Variants in SGSM1 observed in about 807,000 individuals in gnomAD.
SGSM1 encodes the protein RUN and TBC1 domain containing 2.
In SGSM1, 73 loss-of-function variants were observed where a neutral mutation model predicts 133.8. That is an observed-to-expected ratio of 0.55 (90% CI 0.45 to 0.66). SGSM1 has a LOEUF of 0.66. SGSM1 is among the 30% of genes least tolerant of loss of function. The pLI is 0.00. For missense variants in SGSM1, 1,213 were observed against 1,448.1 expected (o/e 0.84, Z 2.64); for synonymous variants, 563 against 573.0 (o/e 0.98, Z 0.25).
rs1934132089 is a variant in SGSM1 at position 24,924,580 on chromosome 22, A to C, written c.*306A>C. ...GCCATCTTTGTTTGCTGGTGCCCGG[A>C]ATGGTCTCCTCTTCTTCTTTCCCTA... On this transcript the variant is annotated 3_prime_UTR_variant, in exon 25 of 25. Coordinates refer to ENST00000400358, the MANE Select transcript of SGSM1 (RefSeq NM_001098497.3). 12 of 417,394 alleles carry C rather than the reference A, an allele frequency of 2.9e-5. No individual in the cohort carries two copies. The highest frequency in any genetic ancestry group is 7.0e-4 in the Middle Eastern group (1 of 1,434). The allele number at this position is 417,394 out of a possible 1,614,324, so 25.9% of individuals were successfully genotyped here.
chr22:24,899,395 A>G (rs181154973), intron 19 of SGSM1, among the ~76,000 whole-genome samples: 252 of 151,922 alleles, frequency 1.7e-3, no homozygotes, highest in Non-Finnish European at 3.0e-3. Flanking sequence ...ATCATTCACA[A>G]TCTTCCTCGT....
chr22:24,904,243 T>C (rs950009917), intron 20 of SGSM1, among the ~76,000 whole-genome samples: 8 of 152,152 alleles, frequency 5.3e-5, no homozygotes, highest in African/African-American at 1.9e-4. Context: ...GGCTCATGCC[T>C]GTGAAATGGG....
intron 16 of SGSM1, among the ~76,000 whole-genome samples, chr22:24,887,212 T>C (rs1184761998): frequency 1.3e-5 from 2 of 151,938 alleles, no homozygotes; most frequent in African/African-American, 4.8e-5. Context: ...TTTAATGCTA[T>C]AAGGACCCCC....
intron 3 of SGSM1, among the ~76,000 whole-genome samples, chr22:24,845,943 T>TTCTTTCTC (rs1930086190): frequency 3.3e-5 from 1 of 29,938 alleles, no homozygotes; most frequent in Non-Finnish European, 7.5e-5. Context: ...TTCTTTTCTT[T>TTCTTTCTC]TCTTTCTTTC....
In SGSM1 at chr22:24,893,713, C is replaced by T. The variant is rs143628190; in HGVS notation, c.1953+100C>T. ...GTGGTGAAGACTGGGTGTCTGGGGC[C>T]TGGTGACAGTCTCACCCCTGGCTTT... On this transcript the variant is annotated intron_variant, in intron 17 of 24. Transcript: ENST00000400358. 3.6e-4 allele frequency: 457 copies of T among 1,282,770 alleles called. 7 individuals carry two copies. The African/African-American group carries it at 6.2e-3, about 17-fold the overall frequency. 79.5% of individuals were successfully genotyped at this position (1,282,770 alleles called of 1,614,324 possible).
intron 2 of SGSM1, chr22:24,844,500 G>A (rs149667319): frequency 0.014 from 2,217 of 159,240 alleles, 28 homozygotes; most frequent in Non-Finnish European, 0.022. Context: ...CACTCCAGCC[G>A]GGGCAACAAG....
chr22:24,859,572 A>G (rs1931003738), intron 8 of SGSM1, 144 bp from the exon 9 acceptor site: 1 of 1,138,236 alleles, frequency 8.8e-7, no homozygotes, highest in African/African-American at 1.5e-5. Context: ...AGGAGGCTTT[A>G]GAGTCTTCCA....
intron 5 of SGSM1, among the ~76,000 whole-genome samples, chr22:24,852,236 A>C (rs1930524156): frequency 6.6e-6 from 1 of 152,226 alleles, no homozygotes; most frequent in South Asian, 2.1e-4. Context: ...AACTAACTGC[A>C]AAACTTTTTT....
Position 24,900,256 on chromosome 22 carries a change from T to C in SGSM1, c.2611-1577T>C, listed in dbSNP as rs180791026. On this transcript the variant is annotated intron_variant, in intron 19 of 24. Transcript: ENST00000400358. ...AGGCTGGTCTTGAACTGGCCTCAAGTGATCTACCCGCTGTGACCTCCCAGA... is the reference window on the plus strand; with the variant it reads ...AGGCTGGTCTTGAACTGGCCTCAAGCGATCTACCCGCTGTGACCTCCCAGA... 3.4e-3 allele frequency among the ~76,000 whole-genome samples: 520 copies of C among 152,134 alleles called. 3 individuals are homozygous for C. The highest frequency in any genetic ancestry group is 0.012 in the African/African-American group (490 of 41,484).
chr22:24,807,656 A>G (rs1247192131), intron 2 of SGSM1, among the ~76,000 whole-genome samples: 1 of 152,158 alleles, frequency 6.6e-6, no homozygotes, highest in African/African-American at 2.4e-5. Context: ...AAGGCCTTGC[A>G]TGGCAGCAGA....
chr22:24,855,273 C>A lies in SGSM1; in HGVS notation c.524-12C>A. The A allele has an allele frequency of 6.2e-7, 1 of 1,605,980 alleles. No homozygotes were observed. Among genetic ancestry groups the A allele is most frequent in the South Asian group, 1.1e-5 (1 of 89,678 alleles). ...CGGGGCAGTGGGTTTCCAGCCCCCA[C>A]ATGCCCCTCAGTGGGGCCCTGTGCC... On this transcript the variant is annotated splice_polypyrimidine_tract_variant and intron_variant, in intron 6 of 24. Coordinates refer to ENST00000400358, the MANE Select transcript of SGSM1 (RefSeq NM_001098497.3).
intron 2 of SGSM1, among the ~76,000 whole-genome samples, chr22:24,809,047 C>T (rs1390257593): frequency 2.6e-5 from 4 of 152,186 alleles, no homozygotes; most frequent in Non-Finnish European, 5.9e-5. Context: ...TTCAAGGGCA[C>T]AGAACCAGTG....
At chr22:24,810,158 G>A (rs910085944) in intron 2 of SGSM1, among the ~76,000 whole-genome samples, 1 of 152,174 alleles carries the variant, frequency 6.6e-6, no homozygotes, top group African/African-American at 2.4e-5. Flanking sequence ...AACAGGGAAA[G>A]AAGGTGATGG....
Position 24,849,581 on chromosome 22 carries a change from G to A in SGSM1, c.303-699G>A, listed in dbSNP as rs142234995. On this transcript the variant is annotated intron_variant, in intron 4 of 24. Transcript: ENST00000400358. Reference sequence around the variant, plus strand: ...ACAACAACAAAAAAAATGAGTTGCCGATTTCATATCCTCAAGATCAAAGCA... The same window carrying A: ...ACAACAACAAAAAAAATGAGTTGCCAATTTCATATCCTCAAGATCAAAGCA... Among the ~76,000 whole-genome samples the A allele has an allele frequency of 3.1e-3, 468 of 152,246 alleles. 7 individuals carry two copies. The highest frequency in any genetic ancestry group is 2.1e-3 in the East Asian group (11 of 5,168).
intron 14 of SGSM1, among the ~76,000 whole-genome samples, chr22:24,880,383 C>T (rs540135413): frequency 6.6e-6 from 1 of 152,298 alleles, no homozygotes; most frequent in South Asian, 2.1e-4. Flanking sequence ...ATCCACCCAC[C>T]TCAGGCTCCC....
chr22:24,812,745 A>G (rs913521609), intron 2 of SGSM1, among the ~76,000 whole-genome samples: 16 of 152,046 alleles, frequency 1.1e-4, no homozygotes, highest in African/African-American at 3.4e-4. Flanking sequence ...GTTTCTGCCA[A>G]CTCTTAGAAG....
intron 2 of SGSM1, among the ~76,000 whole-genome samples, chr22:24,807,280 G>A (rs1372312397): frequency 1.3e-5 from 2 of 152,104 alleles, no homozygotes; most frequent in Admixed American, 6.6e-5. Context: ...TACCTGCATG[G>A]GTGAGGACCT....
Position 24,876,674 on chromosome 22 carries a change from C to G in SGSM1, c.1389C>G (p.Gly463=). 1 of 1,613,974 alleles carries G rather than the reference C, an allele frequency of 6.2e-7. No homozygotes were observed. Among genetic ancestry groups the G allele is most frequent in the Non-Finnish European group, 8.5e-7 (1 of 1,179,892 alleles). ...CCTGTTCATCCTGTTCACAGAGTGGCTCGGCTGATGGTAGCTCGACCAATG... is the reference window on the plus strand; with the variant it reads ...CCTGTTCATCCTGTTCACAGAGTGGGTCGGCTGATGGTAGCTCGACCAATG... The part of the protein sequence containing the change: ...KSSCSSCSQS[G]SADGSSTNGC... The change falls in exon 13 of 25, where the codon GGC becomes GGG. Residue 463 remains glycine, a synonymous_variant. Coordinates refer to ENST00000400358, the MANE Select transcript of SGSM1 (RefSeq NM_001098497.3).
At chr22:24,831,611 T>G (rs1011968807) in intron 2 of SGSM1, among the ~76,000 whole-genome samples, 1 of 152,164 alleles carries the variant, frequency 6.6e-6, no homozygotes, top group African/African-American at 2.4e-5. Flanking sequence ...CGCTCCCTCC[T>G]CTGCCCTTTC....
Sources: allele counts gnomAD v4.1 joint callset (sites outside exome capture counted in the v4.1 genomes callset), GRCh38; gene constraint gnomAD v4.1.1; transcripts MANE v1.5; gene names NCBI Gene and HGNC (gene_info 2026-07-23, HGNC 2026-07-21).